ATG4C: variants seen among roughly 807,000 people sequenced by gnomAD.
The protein encoded by ATG4C is autophagy related 4C cysteine peptidase.
In ATG4C, 56 loss-of-function variants were observed where a neutral mutation model predicts 57.6. The ratio of observed to expected loss-of-function variants is 0.97; its 90% confidence interval spans 0.78 to 1.21. The LOEUF (loss-of-function observed/expected upper bound fraction) is 1.21, where lower values mean the gene tolerates loss of function less well. Ranked by LOEUF, ATG4C falls within the 50% of genes most tolerant of loss-of-function variation. The pLI, the probability that ATG4C is intolerant of heterozygous loss-of-function variation, is 0.00. For missense variants in ATG4C, 595 were observed against 529.8 expected (o/e 1.12, Z -1.21); for synonymous variants, 157 against 174.1 (o/e 0.90, Z 0.78).
intron 3 of ATG4C, among the ~76,000 whole-genome samples, chr1:62,813,992 G>A (rs1335551827): frequency 1.3e-5 from 2 of 151,298 alleles, no homozygotes; most frequent in Admixed American, 6.6e-5. Flanking sequence ...TTACACTGTT[G>A]GTGGGAGTTT....
chr1:62,800,871 A>T (rs1056323650), intron 1 of ATG4C, among the ~76,000 whole-genome samples: 1 of 152,216 alleles, frequency 6.6e-6, no homozygotes, highest in African/African-American at 2.4e-5. Context: ...TAAGAGAAGG[A>T]TACCTATCTT....
At chr1:62,798,235 TC>T (rs1320525379) in intron 1 of ATG4C, among the ~76,000 whole-genome samples, 1 of 150,828 alleles carries the variant, frequency 6.6e-6, no homozygotes, top group African/African-American at 2.5e-5. Flanking sequence ...CATCTAGAAT[TC>T]ATCATTTATT....
intron 3 of ATG4C, among the ~76,000 whole-genome samples, chr1:62,811,205 A>G (rs1182623026): frequency 2.0e-5 from 3 of 152,244 alleles, no homozygotes; most frequent in Admixed American, 2.0e-4. Context: ...TTTATTCATA[A>G]GAATTTAATA....
At chr1:62,815,406 A>G (rs1040967873) in intron 3 of ATG4C, among the ~76,000 whole-genome samples, 2 of 152,078 alleles carry the variant, frequency 1.3e-5, no homozygotes, top group Non-Finnish European at 2.9e-5. Flanking sequence ...TCTTTATGAT[A>G]TTGTTGTCAT....
intron 7 of ATG4C, among the ~76,000 whole-genome samples, chr1:62,831,981 C>T (rs1280567614): frequency 6.6e-6 from 1 of 152,152 alleles, no homozygotes; most frequent in East Asian, 1.9e-4. Flanking sequence ...TTCACTGCCT[C>T]ACAGGTCTCT....
At chr1:62,852,162 C>T (rs749272408) in intron 10 of ATG4C, among the ~76,000 whole-genome samples, 28 of 152,158 alleles carry the variant, frequency 1.8e-4, no homozygotes, top group Non-Finnish European at 3.2e-4. Context: ...AGGCTCAGGA[C>T]GCAAGGTGGG....
Position 62,864,080 on chromosome 1 carries a change from C to A in ATG4C, c.1298C>A (p.Thr433Asn). 1.2e-6 allele frequency: 2 copies of A among 1,605,910 alleles called. No homozygotes were observed. Among genetic ancestry groups the A allele is most frequent in the South Asian group, 1.1e-5 (1 of 89,688 alleles). The stretch of plus-strand genomic sequence containing the variant: ...GACTATGATTTTACATCTACTACAA[C>A]CAATGAAGAAGACCTTTTTTCAGAG... ...SRDYDFTSTTTNEEDLFSEDE... is the reference protein window; with the variant it reads ...SRDYDFTSTTNNEEDLFSEDE... The change falls in exon 11 of 11, where the codon ACC becomes AAC. Residue 433 changes from threonine (T) to asparagine (N), a missense_variant. Transcript: ENST00000317868.
Position 62,864,035 on chromosome 1 carries a change from T to C in ATG4C, c.1253T>C (p.Phe418Ser), listed in dbSNP as rs768782160. Residue 418 changes from phenylalanine to serine, a missense_variant, in exon 11 of 11, where the codon TTT becomes TCT. Physicochemically the swap from Phe to Ser is radical, Grantham distance 155. Transcript: ENST00000317868. ...AAGGAGAAATATCCCTTATTTACTT[T>C]TGTAAATGGTCATTCCAGAGACTAT... is the stretch of plus-strand genomic sequence containing the variant. ...SSKEKYPLFT[F>S]VNGHSRDYDF... 6.3e-7 allele frequency: 1 copy of C among 1,586,616 alleles called. No homozygotes were observed. The highest frequency in any genetic ancestry group is 8.5e-7 in the Non-Finnish European group (1 of 1,170,240).
chr1:62,825,474 GT>G (rs1008877486), intron 6 of ATG4C, among the ~76,000 whole-genome samples: 4 of 151,988 alleles, frequency 2.6e-5, no homozygotes, highest in African/African-American at 9.7e-5. Flanking sequence ...TCACAGCCTG[GT>G]TTGTTGGTTT....
At chr1:62,850,375 A>G (rs891764713) in intron 10 of ATG4C, among the ~76,000 whole-genome samples, 3 of 152,230 alleles carry the variant, frequency 2.0e-5, no homozygotes, top group Non-Finnish European at 4.4e-5. Context: ...TCTAGAATCA[A>G]CATAGCCGCC....
chr1:62,789,216 C>G (rs1371537666), intron 1 of ATG4C, among the ~76,000 whole-genome samples: 1 of 152,120 alleles, frequency 6.6e-6, no homozygotes, highest in African/African-American at 2.4e-5. Context: ...AGAGCTTTCT[C>G]TTTTTTATTT....
intron 1 of ATG4C, among the ~76,000 whole-genome samples, chr1:62,790,304 C>T (rs1664234301): frequency 1.3e-5 from 2 of 152,176 alleles, no homozygotes; most frequent in African/African-American, 4.8e-5. Flanking sequence ...CCTTCCAATT[C>T]CTGTTTATAT....
chr1:62,858,178 ATTTC>A (rs1247768406), intron 10 of ATG4C, among the ~76,000 whole-genome samples: 1 of 152,176 alleles, frequency 6.6e-6, no homozygotes, highest in Non-Finnish European at 1.5e-5. Context: ...GTTTTCTATT[ATTTC>A]TTTCTTTGTC....
intron 9 of ATG4C, among the ~76,000 whole-genome samples, chr1:62,838,506 G>A (rs1666066067): frequency 6.6e-6 from 1 of 152,156 alleles, no homozygotes; most frequent in African/African-American, 2.4e-5. Context: ...GGCCAGGCAT[G>A]ATGGCTCCCG....
chr1:62,860,344 A>G (rs1666813819), intron 10 of ATG4C, among the ~76,000 whole-genome samples: 1 of 152,240 alleles, frequency 6.6e-6, no homozygotes, highest in South Asian at 2.1e-4. Context: ...TGTATAGTAA[A>G]TACTTAAACC....
At chr1:62,801,372 ATATATC>A (rs748619587) in intron 1 of ATG4C, among the ~76,000 whole-genome samples, 98 of 152,356 alleles carry the variant, frequency 6.4e-4, no homozygotes, top group Middle Eastern at 3.4e-3. Context: ...CATCCCGAGA[ATATATC>A]TAGAGTGTAA....
At position 62,819,279 on chromosome 1, in the gene ATG4C, G is replaced by A; in HGVS notation, c.669G>A (p.Lys223=). The change falls in exon 5 of 11, where the codon AAG becomes AAA. Residue 223 remains lysine (K), a synonymous_variant. Coordinates refer to ENST00000317868, the MANE Select transcript of ATG4C (RefSeq NM_032852.4). ...ATCAACTAATAGAATATGGAAAGAA[G>A]TCTGGGAAAAAAGCAGGAGATTGGT... ...GLHQLIEYGK[K]SGKKAGDWYG... is the part of the protein sequence containing the mutation. 6.2e-7 allele frequency: 1 copy of A among 1,610,440 alleles called. No individual in the cohort carries two copies.
chr1:62,864,226 A>T lies in ATG4C; in HGVS notation c.*67A>T. On this transcript the variant is annotated 3_prime_UTR_variant, in exon 11 of 11. Transcript: ENST00000317868. ...AGGGGAAAAATGAAGAGAAACAAGT[A>T]TATCTGAAATGTTTATTTTCACAAA... 1 of 1,274,718 alleles carries T rather than the reference A, an allele frequency of 7.8e-7. No homozygotes were observed. The highest frequency in any genetic ancestry group is 1.4e-5 in the South Asian group (1 of 69,012). The allele number at this position is 1,274,718 out of a possible 1,614,324, so 79.0% of individuals were successfully genotyped here.
chr1:62,798,631 A>G (rs1363621816), intron 1 of ATG4C, among the ~76,000 whole-genome samples: 1 of 151,760 alleles, frequency 6.6e-6, no homozygotes, highest in African/African-American at 2.4e-5. Context: ...ATTTTTAGAA[A>G]CAGCCATTTT....
Sources: allele counts gnomAD v4.1 joint callset (sites outside exome capture counted in the v4.1 genomes callset), GRCh38; gene constraint gnomAD v4.1.1; transcripts MANE v1.5; gene names NCBI Gene and HGNC (gene_info 2026-07-23, HGNC 2026-07-21).